The following TRPM5 variants were observed in gnomAD, a reference collection of about 807,000 sequenced individuals.
TRPM5 encodes MLSN1 and TRP-related.
A neutral mutation model predicts 124.9 loss-of-function variants in TRPM5; 121 were observed. That is an observed-to-expected ratio of 0.97 (90% CI 0.84 to 1.13). The LOEUF (loss-of-function observed/expected upper bound fraction) is 1.13, where lower values mean the gene tolerates loss of function less well. TRPM5 is among the 50% of genes most tolerant of loss of function. The pLI is 0.00. For synonymous variants in TRPM5, 781 were observed against 700.5 expected (o/e 1.11, Z -1.81); for missense variants, 1,643 against 1,589.1 (o/e 1.03, Z -0.58).
the TRPM5 span, among the ~76,000 whole-genome samples, chr11:2,439,772 T>A: frequency 3.3e-5 from 5 of 152,190 alleles, no homozygotes; most frequent in African/African-American, 1.2e-4. Flanking sequence ...GTTTGGAGAT[T>A]TCCCAAAGAA....
At chr11:2,406,914 T>C (rs1339551375) in intron 20 of TRPM5, 121 bp from the exon 26 acceptor site, 4 of 1,442,258 alleles carry the variant, frequency 2.8e-6, no homozygotes, top group Non-Finnish European at 3.7e-6. Context: ...CAGCCAGGGA[T>C]GGAGGGCAAG....
At chr11:2,418,697 C>G (rs886392611) in intron 4 of TRPM5, 106 bp from the exon 10 acceptor site, 1 of 1,181,656 alleles carries the variant, frequency 8.5e-7, no homozygotes, top group Non-Finnish European at 1.2e-6. Context: ...CTGGCTCTTC[C>G]GAATAAAGTG....
At chr11:2,422,551 G>C (rs928334379) in intron 1 of TRPM5, among the ~76,000 whole-genome samples, 4 of 152,030 alleles carry the variant, frequency 2.6e-5, no homozygotes, top group Non-Finnish European at 5.9e-5. Context: ...TCCCTTCTGG[G>C]ACAGGGCCAG....
At chr11:2,412,725 A>C in intron 15 of TRPM5, 29 bp downstream of exon 20, 1 of 1,551,908 alleles carries the variant, frequency 6.4e-7, no homozygotes, top group South Asian at 1.2e-5. Context: ...TGCAGAGTGG[A>C]GGGGACCTAG....
chr11:2,415,945 G>C, exon 8 of TRPM5: 1 of 1,580,568 alleles, frequency 6.3e-7, no homozygotes, highest in Non-Finnish European at 8.6e-7. Flanking sequence ...CACTCTTGGC[G>C]ATGTCCACGC....
At chr11:2,412,063 A>G in intron 16 of TRPM5, 72 bp downstream of exon 21, 2 of 1,340,404 alleles carry the variant, frequency 1.5e-6, no homozygotes, top group Non-Finnish European at 2.1e-6. Context: ...GCCACACCCA[A>G]CCTGAGTGGC....
intron 7 of TRPM5, among the ~76,000 whole-genome samples, chr11:2,416,849 G>A (rs1285936628): frequency 1.3e-5 from 2 of 152,138 alleles, no homozygotes; most frequent in Non-Finnish European, 2.9e-5. Context: ...TTCCATCAGC[G>A]GGTGAACAGA....
At chr11:2,442,201 T>C in the TRPM5 span, among the ~76,000 whole-genome samples, 8 of 152,302 alleles carry the variant, frequency 5.3e-5, no homozygotes, top group East Asian at 1.9e-4. This position sits in a 1 kb window ranked among gnomAD's most constrained non-coding sequence, Gnocchi z 5.9. Flanking sequence ...CTTCTCAAAC[T>C]TGACAATGAA....
the TRPM5 span, among the ~76,000 whole-genome samples, chr11:2,436,062 C>T: frequency 6.6e-6 from 1 of 152,266 alleles, no homozygotes; most frequent in African/African-American, 2.4e-5. Flanking sequence ...TCACCTTCCG[C>T]TCCCCTGACC....
rs546884468 is a variant in TRPM5 at position 2,406,041 on chromosome 11, C to T, written c.3302G>A (p.Arg1101His). 1.7e-5 allele frequency: 28 copies of T among 1,612,122 alleles called. No individual in the cohort carries two copies. The highest frequency in any genetic ancestry group is 1.7e-4 in the Middle Eastern group (1 of 6,060). Residue 1101 changes from arginine to histidine, a missense_variant, in exon 22 of 24, where the codon CGC (arginine) becomes CAC (histidine). Coordinates refer to ENST00000155858, the Ensembl canonical transcript of TRPM5. ...TGCCTGTGACTCCAGACACTTGATGCGCTTTTCTTGCTCTCTCAGACCCCC... is the reference window on the plus strand; with the variant it reads ...TGCCTGTGACTCCAGACACTTGATGTGCTTTTCTTGCTCTCTCAGACCCCC...
Position 2,407,221 on chromosome 11 carries a change from C to G in TRPM5, c.3016G>C (p.Glu1006Gln), listed in dbSNP as rs751636093. ...AAGGGCGGGGCCAGGGCGGGGCGCT[C>G]GTGGTACTCCACAATCAGGTTGTAG... is the stretch of plus-strand genomic sequence containing the variant. Residue 1006 changes from glutamate (E) to glutamine (Q), a missense_variant, in exon 20 of 24, where the codon GAG becomes CAG. Glu to Gln is a conservative substitution (Grantham distance 29). Transcript: ENST00000155858. The G allele has an allele frequency of 6.2e-6, 10 of 1,611,726 alleles. No homozygotes were observed. The highest frequency in any genetic ancestry group is 3.3e-5 in the Admixed American group (2 of 59,714).
chr11:2,434,312 T>G, the TRPM5 span, among the ~76,000 whole-genome samples: 1 of 151,810 alleles, frequency 6.6e-6, no homozygotes, highest in Non-Finnish European at 1.5e-5. Flanking sequence ...ACTGTGTGTG[T>G]GTGGACACTG....
rs1174124280 is a variant in TRPM5, at chr11:2,417,859, C to A, written c.907-30G>T. On this transcript the variant is annotated intron_variant, in intron 6 of 23. Coordinates refer to ENST00000155858, the Ensembl canonical transcript of TRPM5. ...GCACCAGAACAGAGCCCCCATGGGG[C>A]CGCCTCAGCCAGGACGGGGGCAGAG... is the stretch of plus-strand genomic sequence containing the variant. 9 of 1,547,828 alleles carry A rather than the reference C, an allele frequency of 5.8e-6. No individual in the cohort carries two copies. In the African/African-American group the frequency reaches 8.2e-5, roughly 14 times the overall value.
chr11:2,417,714 T>TAAAC lies in TRPM5; in HGVS notation c.1009+12_1009+13insGTTT. On this transcript the variant is annotated intron_variant, in intron 7 of 23. Coordinates refer to ENST00000155858, the Ensembl canonical transcript of TRPM5. ...CCAATGGCGCCTGCCTTGCCCACCC[T>TAAAC]GCCCGCCCTCACCTTTCACCAGCGC... is the stretch of plus-strand genomic sequence containing the variant. 1 of 383,614 alleles carries TAAAC rather than the reference T, an allele frequency of 2.6e-6. No homozygotes were observed. The highest frequency in any genetic ancestry group is 4.8e-6 in the Non-Finnish European group (1 of 206,870). The allele number at this position is 383,614 out of a possible 1,614,324, so 23.8% of individuals were successfully genotyped here.
At chr11:2,426,925 G>A (rs1253625383), upstream of TRPM5, among the ~76,000 whole-genome samples, 1 of 152,204 alleles carries the variant, frequency 6.6e-6, no homozygotes, top group East Asian at 1.9e-4. Context: ...GTAGTGACCT[G>A]GTGACCCCAG....
rs187044178 is a variant in TRPM5, at chr11:2,408,986, G to C, written c.2783-1074C>G. 1.1e-4 allele frequency among the ~76,000 whole-genome samples: 16 copies of C among 152,358 alleles called. No homozygotes were observed. In the East Asian group the frequency reaches 2.9e-3, roughly 28 times the overall value. On this transcript the variant is annotated intron_variant, in intron 18 of 23. Coordinates refer to ENST00000155858, the Ensembl canonical transcript of TRPM5. ...TTCAAGTGTATCTTAGTGCCTGCCA[G>C]CTCCAGGTTGCCCTGCGGTGGGTTC...
intron 13 of TRPM5, 120 bp downstream of exon 18, chr11:2,413,356 T>C: frequency 7.7e-7 from 1 of 1,306,140 alleles, no homozygotes; most frequent in Non-Finnish European, 1.0e-6. Context: ...GCAGGGAGGC[T>C]GGACTTGGGG....
intron 22 of TRPM5, 142 bp downstream of exon 27, chr11:2,405,877 C>G: frequency 1.3e-6 from 1 of 792,058 alleles, no homozygotes; most frequent in Middle Eastern, 3.2e-4. Context: ...CCAGAACGCT[C>G]CTCTGCCCAC....
chr11:2,418,133 G>A (rs1017609168), intron 6 of TRPM5, 34 bp downstream of exon 11: 1 of 1,504,108 alleles, frequency 6.6e-7, no homozygotes, highest in African/African-American at 1.4e-5. Flanking sequence ...CCCGGAGGAG[G>A]GGTCGGGAGG....
Sources: gnomAD v4.1 joint callset for allele counts (sites outside exome capture counted in the v4.1 genomes callset) on GRCh38, gnomAD v4.1.1 for gene constraint, Gnocchi (gnomAD v3.1) non-coding constraint, MANE v1.5 for transcripts, NCBI Gene and HGNC (gene_info 2026-07-23, HGNC 2026-07-21) for gene names.